The following MTAP variants were observed in gnomAD, a reference collection of about 807,000 sequenced individuals.
The protein encoded by MTAP is S-methyl-5'-thioadenosine phosphorylase.
In MTAP, 33 loss-of-function variants were observed where a neutral mutation model predicts 33.6. The observed-to-expected ratio is 0.98, with a 90% CI of 0.74 to 1.31. MTAP has a LOEUF of 1.31. MTAP is among the 40% of genes most tolerant of loss of function. The probability of loss-of-function intolerance (pLI) is 0.00; values close to 1 mark genes in which losing one functional copy is unlikely to be tolerated. For missense variants in MTAP, 367 were observed against 360.0 expected (o/e 1.02, Z -0.16); for synonymous variants, 148 against 125.7 (o/e 1.18, Z -1.19).
intron 1 of MTAP, chr9:21,929,626 T>C: frequency 3.2e-6 from 1 of 314,942 alleles, no homozygotes; most frequent in Non-Finnish European, 6.7e-6. Context: ...AGGGAGAGCT[T>C]ATCCAGCCTG....
intron 1 of MTAP, among the ~76,000 whole-genome samples, chr9:21,916,738 A>T (rs973230340): frequency 3.3e-5 from 5 of 152,210 alleles, no homozygotes; most frequent in African/African-American, 1.2e-4. Context: ...GATGTACCAG[A>T]TCTAGAAAAG....
intron 1 of MTAP, among the ~76,000 whole-genome samples, chr9:21,927,675 C>G (rs904343331): frequency 6.6e-6 from 1 of 152,182 alleles, no homozygotes; most frequent in Non-Finnish European, 1.5e-5. Context: ...CTATATGTCC[C>G]TTCACCCAGT....
chr9:21,814,007 A>G (rs941966442), intron 1 of MTAP: 1 of 152,248 alleles, frequency 6.6e-6, no homozygotes, highest in Non-Finnish European at 1.5e-5. Flanking sequence ...ACATAAAAGT[A>G]TGTTAACCTG....
intron 4 of MTAP, among the ~76,000 whole-genome samples, chr9:21,820,452 T>C (rs986807966): frequency 6.6e-6 from 1 of 152,198 alleles, no homozygotes; most frequent in African/African-American, 2.4e-5. Context: ...CAGATGCTTG[T>C]AGATGTGTGG....
chr9:21,925,945 T>A (rs1818862678), intron 1 of MTAP, among the ~76,000 whole-genome samples: 1 of 152,242 alleles, frequency 6.6e-6, no homozygotes. Context: ...CTCCTCATCT[T>A]TGCTGCCTGT....
chr9:21,855,764 A>G (rs972299619), intron 6 of MTAP, among the ~76,000 whole-genome samples: 6 of 152,200 alleles, frequency 3.9e-5, no homozygotes, highest in South Asian at 2.1e-4. Context: ...AATGAATTCC[A>G]GGTACCCATC....
At chr9:21,890,530 G>T (rs574861206) in intron 1 of MTAP, among the ~76,000 whole-genome samples, 1 of 152,158 alleles carries the variant, frequency 6.6e-6, no homozygotes, top group Non-Finnish European at 1.5e-5. Context: ...TCTCTCTGTG[G>T]TTCTTTCCGA....
chr9:21,854,531 T>A, intron 5 of MTAP, 100 bp from the exon 6 acceptor site: 1 of 1,424,950 alleles, frequency 7.0e-7, no homozygotes, highest in South Asian at 1.7e-5. Flanking sequence ...TAGTGACAAA[T>A]CATCTTTAAG....
intron 1 of MTAP, among the ~76,000 whole-genome samples, chr9:21,887,157 A>C (rs1317017270): frequency 1.3e-5 from 2 of 152,118 alleles, no homozygotes; most frequent in Non-Finnish European, 2.9e-5. Context: ...CATGTGCACA[A>C]CGTGCCCGTT....
At chr9:21,838,398 C>T (rs980262215) in intron 5 of MTAP, among the ~76,000 whole-genome samples, 8 of 152,262 alleles carry the variant, frequency 5.3e-5, no homozygotes, top group Middle Eastern at 6.8e-3. Flanking sequence ...ATGTGGGTTT[C>T]AGTTATCTTA....
chr9:21,834,138 A>G (rs1197920481), intron 4 of MTAP, among the ~76,000 whole-genome samples: 1 of 152,136 alleles, frequency 6.6e-6, no homozygotes, highest in Non-Finnish European at 1.5e-5. Flanking sequence ...TTAGAAGCAT[A>G]TTTTCCATAA....
chr9:21,906,176 C>A (rs1818473482), intron 1 of MTAP, among the ~76,000 whole-genome samples: 1 of 152,156 alleles, frequency 6.6e-6, no homozygotes, highest in African/African-American at 2.4e-5. Flanking sequence ...AAGGAACAAT[C>A]TTCCACGCAC....
At chr9:21,875,917 G>A (rs185840007) in intron 1 of MTAP, among the ~76,000 whole-genome samples, 9 of 152,238 alleles carry the variant, frequency 5.9e-5, no homozygotes, top group Admixed American at 5.2e-4. Flanking sequence ...GGGTCAAATG[G>A]TAGTTCTATT....
chr9:21,847,187 TCTGA>T (rs1418329044), intron 5 of MTAP, among the ~76,000 whole-genome samples: 3 of 152,234 alleles, frequency 2.0e-5, no homozygotes, highest in African/African-American at 7.2e-5. Context: ...TTTTTGGAAC[TCTGA>T]CTGGCTCTCC....
chr9:21,915,055 CCTT>C (rs1818660995), intron 1 of MTAP, among the ~76,000 whole-genome samples: 1 of 25,888 alleles, frequency 3.9e-5, no homozygotes, highest in African/African-American at 1.7e-4. Context: ...TTCCTTCCTT[CCTT>C]TCTTTCTTTC....
chr9:21,869,274 A>G (rs946033430), downstream of MTAP, among the ~76,000 whole-genome samples: 1 of 152,028 alleles, frequency 6.6e-6, no homozygotes, highest in Non-Finnish European at 1.5e-5. Flanking sequence ...CCAGTGCACC[A>G]TCTTCAGCAC....
At chr9:21,839,188 TA>T (rs397727589) in intron 5 of MTAP, among the ~76,000 whole-genome samples, 57 of 150,294 alleles carry the variant, frequency 3.8e-4, no homozygotes, top group Non-Finnish European at 5.6e-4. Context: ...TTTTTTTTTT[TA>T]AAAAAGTGGC....
intron 4 of MTAP, among the ~76,000 whole-genome samples, chr9:21,836,927 C>T (rs1356302849): frequency 1.3e-5 from 2 of 152,178 alleles, no homozygotes; most frequent in Non-Finnish European, 2.9e-5. Context: ...TGCTGCCTCC[C>T]ACCCCTGGAA....
Position 21,865,114 on chromosome 9 carries a change from T to C in MTAP, c.*3100T>C, listed in dbSNP as rs1825831829. ...GTCCCCACCCAAATCTCATGTTGAATTGTAGTTCCCATAATCCCCACATGT... is the reference window on the plus strand; with the variant it reads ...GTCCCCACCCAAATCTCATGTTGAACTGTAGTTCCCATAATCCCCACATGT... On this transcript the variant is annotated 3_prime_UTR_variant, in exon 8 of 8. Transcript: ENST00000644715. The C allele has an allele frequency of 2.0e-6, 2 of 983,816 alleles. No individual in the cohort carries two copies. Among genetic ancestry groups the C allele is most frequent in the Non-Finnish European group, 2.4e-6 (2 of 828,500 alleles). 60.9% of individuals were successfully genotyped at this position (983,816 alleles called of 1,614,324 possible).
Sources: gnomAD v4.1 joint callset for allele counts (sites outside exome capture counted in the v4.1 genomes callset) on GRCh38, gnomAD v4.1.1 for gene constraint, MANE v1.5 for transcripts, NCBI Gene and HGNC (gene_info 2026-07-23, HGNC 2026-07-21) for gene names.